The following LRP1B variants were observed in gnomAD, a reference collection of about 807,000 sequenced individuals.
LRP1B encodes the protein low-density lipoprotein receptor-related protein 1B.
In LRP1B, 217 loss-of-function variants were observed where a neutral mutation model predicts 556.6. That is an observed-to-expected ratio of 0.39 (90% CI 0.35 to 0.44). LRP1B has a LOEUF of 0.44. Ranked by LOEUF, LRP1B falls within the 20% of genes least tolerant of loss-of-function variation. LRP1B has a pLI of 1.00. For synonymous variants in LRP1B, 2,047 were observed against 1,865.8 expected, an observed-to-expected ratio of 1.10 and a Z score of -2.50; for missense variants, 5,053 against 5,620.8, an observed-to-expected ratio of 0.90 and a Z score of 3.23.
At chr2:140,510,143 AAGC>A in intron 51 of LRP1B, 87 bp from the exon 52 acceptor site, 1 of 1,428,374 alleles carries the variant, frequency 7.0e-7, no homozygotes, top group South Asian at 1.3e-5. Flanking sequence ...GTAAGGGGGG[AAGC>A]AGAAGAATGT....
At chr2:141,396,122 T>C (rs1390043589) in intron 3 of LRP1B, among the ~76,000 whole-genome samples, 3 of 152,186 alleles carry the variant, frequency 2.0e-5, no homozygotes, top group African/African-American at 7.2e-5. Flanking sequence ...CATCCTTACA[T>C]TTGTTCCATA....
At chr2:141,821,682 A>C (rs541142858) in intron 1 of LRP1B, among the ~76,000 whole-genome samples, 51 of 152,296 alleles carry the variant, frequency 3.3e-4, no homozygotes, top group African/African-American at 1.2e-3. Context: ...TTCACCAAAA[A>C]AATTATAAGT....
intron 32 of LRP1B, among the ~76,000 whole-genome samples, chr2:140,790,290 T>C (rs927071232): frequency 6.6e-6 from 1 of 152,072 alleles, no homozygotes. Context: ...TAATACTGAA[T>C]ACGCCCCATA....
chr2:141,040,138 A>G (rs1698654624), intron 11 of LRP1B, among the ~76,000 whole-genome samples: 2 of 152,066 alleles, frequency 1.3e-5, no homozygotes, highest in Admixed American at 1.3e-4. Flanking sequence ...AAATGTACTC[A>G]TTATTTCCTT....
chr2:142,075,939 T>A (rs1004878217), intron 1 of LRP1B, among the ~76,000 whole-genome samples: 1 of 152,130 alleles, frequency 6.6e-6, no homozygotes, highest in Non-Finnish European at 1.5e-5. Flanking sequence ...AGCCTCTAGG[T>A]ACTGCTCTGT....
Position 140,358,821 on chromosome 2 carries a change from C to G in LRP1B, c.11257G>C (p.Gly3753Arg). ...GDNSDEDHCG[G>R]KLTYKARPCK... ...ATTATTTCACATTAAATGCATTTAC[C>G]ACCACAGTGATCTTCATCTGAATTG... Residue 3753 changes from glycine to arginine, a missense_variant and splice_region_variant, in exon 73 of 91, where the codon GGT becomes CGT. This residue lies in a region of LRP1B where 599 missense variants were observed against 648.4 expected (regional missense o/e 0.92). Transcript: ENST00000389484. 6.2e-7 allele frequency: 1 copy of G among 1,607,040 alleles called. No individual in the cohort carries two copies. The highest frequency in any genetic ancestry group is 1.3e-5 in the African/African-American group (1 of 74,688).
intron 89 of LRP1B, among the ~76,000 whole-genome samples, chr2:140,237,277 G>T (rs1423004294): frequency 6.6e-6 from 1 of 150,790 alleles, no homozygotes; most frequent in African/African-American, 2.4e-5. Context: ...GTCATTCTGT[G>T]CCTGGATTAT....
intron 2 of LRP1B, among the ~76,000 whole-genome samples, chr2:141,789,672 G>A (rs1022826737): frequency 6.6e-6 from 1 of 151,946 alleles, no homozygotes; most frequent in East Asian, 1.9e-4. Flanking sequence ...CTAGAGAGCT[G>A]TTTATACTTT....
intron 2 of LRP1B, among the ~76,000 whole-genome samples, chr2:141,605,947 A>C (rs1281930115): frequency 7.5e-6 from 1 of 134,076 alleles, no homozygotes; most frequent in Non-Finnish European, 1.8e-5. Context: ...GATAAAATGC[A>C]AAAGAAAAAA....
intron 2 of LRP1B, among the ~76,000 whole-genome samples, chr2:141,629,884 A>C (rs1281082070): frequency 1.3e-5 from 2 of 152,132 alleles, no homozygotes; most frequent in African/African-American, 4.8e-5. Context: ...TATTTGATTA[A>C]ATCCTCTGTT....
rs192831457 is a variant in LRP1B, at chr2:141,175,445, A to T, written c.1013+12976T>A. Among the ~76,000 whole-genome samples, 39 of 152,238 alleles carry T rather than the reference A, an allele frequency of 2.6e-4. 2 individuals carry two copies. Among genetic ancestry groups the T allele is most frequent in the African/African-American group, 8.7e-4 (36 of 41,574 alleles). On this transcript the variant is annotated intron_variant, in intron 7 of 90. Coordinates refer to ENST00000389484, the MANE Select transcript of LRP1B (RefSeq NM_018557.3). Reference sequence around the variant, plus strand: ...AGCTGCTCCAGCTCCAGCTGTGGCTAAAAGGGGCAAAGGTAAAGTTCACAT... The same window carrying T: ...AGCTGCTCCAGCTCCAGCTGTGGCTTAAAGGGGCAAAGGTAAAGTTCACAT...
chr2:141,547,607 T>C (rs1175069453), intron 2 of LRP1B, among the ~76,000 whole-genome samples: 1 of 152,098 alleles, frequency 6.6e-6, no homozygotes, highest in African/African-American at 2.4e-5. Context: ...CATCAAAAAC[T>C]ACTGAGCATT....
At chr2:140,642,435 G>A (rs1159432751) in intron 41 of LRP1B, among the ~76,000 whole-genome samples, 1 of 152,124 alleles carries the variant, frequency 6.6e-6, no homozygotes, top group African/African-American at 2.4e-5. Context: ...AGTAAATAAA[G>A]ATGGGGTCCT....
chr2:140,335,579 T>A lies in LRP1B; in HGVS notation c.12116+36A>T, dbSNP rs372549512. 5 of 1,232,988 alleles carry A rather than the reference T, an allele frequency of 4.1e-6. No individual in the cohort carries two copies. The African/African-American group carries it at 7.4e-5, about 18-fold the overall frequency. 76.4% of individuals were successfully genotyped at this position (1,232,988 alleles called of 1,614,324 possible). A position where few individuals can be genotyped will look rare whatever the true frequency, so the allele number is the denominator to read the frequency against. On this transcript the variant is annotated intron_variant, in intron 78 of 90. Transcript: ENST00000389484. ...GCATAATTTCTAAAAAGGATATTCA[T>A]TATCAAGAAATAGAAATACTAAGCC...
intron 3 of LRP1B, among the ~76,000 whole-genome samples, chr2:141,466,006 A>C (rs2105056137): frequency 6.6e-6 from 1 of 152,102 alleles, no homozygotes; most frequent in African/African-American, 2.4e-5. Context: ...CTTCTGCCTC[A>C]GCCTCCCGAG....
intron 3 of LRP1B, among the ~76,000 whole-genome samples, chr2:141,265,817 A>C (rs1684864970): frequency 6.6e-6 from 1 of 152,172 alleles, no homozygotes; most frequent in Admixed American, 6.5e-5. Context: ...CTTTGCTGAA[A>C]CACATTCAGT....
intron 3 of LRP1B, among the ~76,000 whole-genome samples, chr2:141,310,524 C>A (rs147957515): frequency 1.3e-5 from 2 of 152,094 alleles, no homozygotes; most frequent in African/African-American, 4.8e-5. Context: ...CAAGTTCTAA[C>A]AAGTGACACC....
chr2:140,789,852 G>A (rs891597499), intron 32 of LRP1B, among the ~76,000 whole-genome samples: 13 of 151,350 alleles, frequency 8.6e-5, no homozygotes, highest in Non-Finnish European at 1.5e-4. Context: ...GGATGGTCTC[G>A]ATCTCCTGAC....
chr2:141,828,842 T>C (rs1697020010), intron 1 of LRP1B, among the ~76,000 whole-genome samples: 1 of 151,888 alleles, frequency 6.6e-6, no homozygotes. Context: ...TAAAAATCAA[T>C]AACTGGGATA....
Sources: allele counts gnomAD v4.1 joint callset (sites outside exome capture counted in the v4.1 genomes callset), GRCh38; gene constraint gnomAD v4.1.1; regional missense constraint gnomAD v4.1.1; transcripts MANE v1.5; gene names NCBI Gene and HGNC (gene_info 2026-07-23, HGNC 2026-07-21).